SLC24A2: variants seen among roughly 807,000 people sequenced by gnomAD.
SLC24A2 encodes solute carrier family 24 member 2.
Under a neutral mutation model 62.0 loss-of-function variants are expected in SLC24A2, and 36 were observed. The observed-to-expected ratio is 0.58, with a 90% CI of 0.44 to 0.77. SLC24A2 has a LOEUF of 0.77. SLC24A2 is among the 30% of genes least tolerant of loss of function. SLC24A2 has a pLI of 0.00. For missense variants in SLC24A2, 846 were observed against 817.9 expected, an observed-to-expected ratio of 1.03 and a Z score of -0.42; for synonymous variants, 358 against 294.0, an observed-to-expected ratio of 1.22 and a Z score of -2.23.
chr9:19,679,757 A>G (rs551448768), intron 2 of SLC24A2, among the ~76,000 whole-genome samples: 3 of 152,032 alleles, frequency 2.0e-5, no homozygotes, highest in African/African-American at 7.2e-5. Flanking sequence ...TTCGTTCTCC[A>G]TCTTGCAGAT....
the SLC24A2 span, among the ~76,000 whole-genome samples, chr9:20,222,119 TTAAA>T: frequency 6.6e-6 from 1 of 151,874 alleles, no homozygotes; most frequent in Non-Finnish European, 1.5e-5. Context: ...AATATAAATA[TTAAA>T]TAACGAAATA....
At chr9:20,283,754 G>GTT in the SLC24A2 span, among the ~76,000 whole-genome samples, 34 of 111,206 alleles carry the variant, frequency 3.1e-4, no homozygotes, top group East Asian at 0.028. Context: ...AAAAAAAAGG[G>GTT]GGGGGGGGGC....
chr9:19,604,120 C>G (rs1836920249), intron 4 of SLC24A2, among the ~76,000 whole-genome samples: 1 of 152,226 alleles, frequency 6.6e-6, no homozygotes, highest in South Asian at 2.1e-4. Context: ...AATTAAATAT[C>G]TATTTAAAGT....
chr9:19,542,949 G>A (rs1483968400), intron 8 of SLC24A2, among the ~76,000 whole-genome samples: 4 of 152,072 alleles, frequency 2.6e-5, no homozygotes, highest in Admixed American at 6.5e-5. Context: ...TGCTGGCCTT[G>A]TAAAATGAGT....
intron 2 of SLC24A2, among the ~76,000 whole-genome samples, chr9:19,687,756 G>A (rs928351453): frequency 6.6e-6 from 1 of 152,030 alleles, no homozygotes; most frequent in African/African-American, 2.4e-5. Context: ...ACTTTCAGCT[G>A]TCTTGATTAG....
intron 4 of SLC24A2, among the ~76,000 whole-genome samples, chr9:19,609,148 G>A (rs1415717195): frequency 6.6e-6 from 1 of 152,252 alleles, no homozygotes; most frequent in East Asian, 1.9e-4. Context: ...CGTGCCTGCT[G>A]TACATCCACC....
At chr9:20,115,384 C>T in the SLC24A2 span, among the ~76,000 whole-genome samples, 90 of 152,108 alleles carry the variant, frequency 5.9e-4, 1 homozygote, top group Admixed American at 1.4e-3. Context: ...CAGTCAGATA[C>T]GGAAACGTCA....
Position 19,625,131 on chromosome 9 carries a change from G to C in SLC24A2, c.931-2832C>G, listed in dbSNP as rs569580421. On this transcript the variant is annotated intron_variant, in intron 2 of 10. Coordinates refer to ENST00000341998, the MANE Select transcript of SLC24A2 (RefSeq NM_020344.4). ...ACAGAAGACAACTTCTTCAAAAGAAGACTAACATGACTCTAAGGATTAATC... is the reference window on the plus strand; with the variant it reads ...ACAGAAGACAACTTCTTCAAAAGAACACTAACATGACTCTAAGGATTAATC... 1.9e-4 allele frequency among the ~76,000 whole-genome samples: 29 copies of C among 152,240 alleles called. No individual in the cohort carries two copies. In the South Asian group the frequency reaches 6.0e-3, roughly 32 times the overall value.
chr9:20,230,762 C>T, the SLC24A2 span, among the ~76,000 whole-genome samples: 1 of 152,072 alleles, frequency 6.6e-6, no homozygotes, highest in Non-Finnish European at 1.5e-5. Flanking sequence ...TCAATTTTGG[C>T]TTTTGTTGCC....
chr9:20,267,851 C>G, the SLC24A2 span, among the ~76,000 whole-genome samples: 3 of 152,082 alleles, frequency 2.0e-5, no homozygotes, highest in Non-Finnish European at 4.4e-5. Context: ...ATGAGTCAAT[C>G]GTGTAAGGAG....
chr9:19,928,126 T>G, the SLC24A2 span: 1 of 152,368 alleles, frequency 6.6e-6, no homozygotes, highest in African/African-American at 2.4e-5. Flanking sequence ...AGAGTGAGGC[T>G]TTGTTGGAAG....
chr9:19,721,887 T>G (rs1821036437), intron 2 of SLC24A2, among the ~76,000 whole-genome samples: 1 of 152,210 alleles, frequency 6.6e-6, no homozygotes, highest in African/African-American at 2.4e-5. Flanking sequence ...GAAAAGTCAC[T>G]AAATTAGTGA....
chr9:20,134,967 C>T, the SLC24A2 span, among the ~76,000 whole-genome samples: 1 of 152,136 alleles, frequency 6.6e-6, no homozygotes, highest in African/African-American at 2.4e-5. Flanking sequence ...ATGTATTTCT[C>T]AGGCACCACA....
chr9:19,930,905 G>C, the SLC24A2 span, among the ~76,000 whole-genome samples: 1 of 152,004 alleles, frequency 6.6e-6, no homozygotes, highest in Non-Finnish European at 1.5e-5. Flanking sequence ...TAATAATGGG[G>C]GAAACTATTA....
the SLC24A2 span, among the ~76,000 whole-genome samples, chr9:19,959,089 C>T: frequency 6.6e-6 from 1 of 152,158 alleles, no homozygotes; most frequent in Non-Finnish European, 1.5e-5. Flanking sequence ...GCTAACCCAT[C>T]TCTCACTGTA....
chr9:19,739,201 CAAAG>C (rs971961056), intron 2 of SLC24A2, among the ~76,000 whole-genome samples: 3 of 152,102 alleles, frequency 2.0e-5, no homozygotes, highest in South Asian at 2.1e-4. Context: ...TTACAGAAAA[CAAAG>C]AAGTCTAAAT....
chr9:20,222,347 T>C, the SLC24A2 span, among the ~76,000 whole-genome samples: 1 of 151,828 alleles, frequency 6.6e-6, no homozygotes, highest in Non-Finnish European at 1.5e-5. Flanking sequence ...TAAACTCAAA[T>C]ACAGCAGAAA....
At chr9:19,593,264 A>G (rs79501467) in intron 5 of SLC24A2, among the ~76,000 whole-genome samples, 2,143 of 152,286 alleles carry the variant, frequency 0.014, 51 homozygotes, top group African/African-American at 0.05. Flanking sequence ...TCTTTAGGAG[A>G]ACTGTGTTTA....
chr9:20,181,242 T>C, the SLC24A2 span, among the ~76,000 whole-genome samples: 1 of 149,698 alleles, frequency 6.7e-6, no homozygotes, highest in Non-Finnish European at 1.5e-5. Context: ...CTTAGTTTTC[T>C]CATCTGAAAA....
Sources: allele counts gnomAD v4.1 joint callset (sites outside exome capture counted in the v4.1 genomes callset), GRCh38; gene constraint gnomAD v4.1.1; transcripts MANE v1.5; gene names NCBI Gene and HGNC (gene_info 2026-07-23, HGNC 2026-07-21).